Variants in FAAP100 observed in about 807,000 individuals in gnomAD.
The protein encoded by FAAP100 is FA core complex associated protein 100, also known as Fanconi anemia core complex-associated protein 100.
FAAP100 carries 46 observed loss-of-function variants against 65.8 expected under a neutral mutation model. That is an observed-to-expected ratio of 0.70 (90% CI 0.55 to 0.89). FAAP100 has a LOEUF of 0.89. Among genes scored for constraint, FAAP100 ranks in the 40% least tolerant of loss-of-function variants. The probability of loss-of-function intolerance (pLI) is 0.00; values close to 1 mark genes in which losing one functional copy is unlikely to be tolerated. For missense variants in FAAP100, 1,165 were observed against 1,196.7 expected (o/e 0.97, Z 0.39); for synonymous variants, 663 against 555.1 (o/e 1.19, Z -2.73).
At chr17:81,551,310 A>C in intron 2 of FAAP100, 107 bp from the exon 3 acceptor site, 2 of 1,152,390 alleles carry the variant, frequency 1.7e-6, no homozygotes, top group Non-Finnish European at 1.2e-6. Context: ...TCCCGCAGTG[A>C]CCCCCAAGGC....
rs763088820 is a variant in FAAP100 at position 81,550,279 on chromosome 17, G to A, written c.1215C>T (p.Val405=). The A allele has an allele frequency of 2.5e-6, 4 of 1,609,076 alleles. No individual in the cohort carries two copies. The highest frequency in any genetic ancestry group is 3.4e-6 in the Non-Finnish European group (4 of 1,177,650). Residue 405 remains valine, a synonymous_variant, in exon 3 of 9, where the codon GTC becomes GTT. Coordinates refer to ENST00000327787, the MANE Select transcript of FAAP100 (RefSeq NM_025161.6). ...CPASLNICSV[V]SLSASPRTHE... ...GCGTCCTGGGAGACGCGGACAGCGA[G>A]ACGACACTGCAGATGTTCAGGCTGG...
chr17:81,552,120 C>A lies in FAAP100; in HGVS notation c.165+46G>T, dbSNP rs1043127200. 3.4e-6 allele frequency: 5 copies of A among 1,469,476 alleles called. No homozygotes were observed. In the African/African-American group the frequency reaches 5.9e-5, roughly 17 times the overall value. 91.0% of individuals were successfully genotyped at this position (1,469,476 alleles called of 1,614,324 possible). On this transcript the variant is annotated intron_variant, in intron 1 of 8. Coordinates refer to ENST00000327787, the MANE Select transcript of FAAP100 (RefSeq NM_025161.6). The stretch of plus-strand genomic sequence containing the variant: ...CCGCGGTCTTCATTTTCACGCGAAC[C>A]GCCGCCCCCGCCCGGTCCCTCCCGC...
Position 81,552,316 on chromosome 17 carries a change from C to A in FAAP100, c.15G>T (p.Ala5=). Residue 5 remains alanine, a synonymous_variant, in exon 1 of 9, where the codon GCG becomes GCT. Transcript: ENST00000327787. ...AGCCCGCCAGGTAGCGGACCCGCGG[C>A]GCGGCGCCGGCCATCGTGCGCGCGG... is the stretch of plus-strand genomic sequence containing the variant. MAGA[A]PRVRYLAGFC... 1 of 1,406,152 alleles carries A rather than the reference C, an allele frequency of 7.1e-7. No individual in the cohort carries two copies. The highest frequency in any genetic ancestry group is 2.0e-4 in the Middle Eastern group (1 of 4,912). The allele number at this position is 1,406,152 out of a possible 1,614,324, so 87.1% of individuals were successfully genotyped here.
intron 8 of FAAP100, 40 bp from the exon 9 acceptor site, chr17:81,540,990 C>T (rs1383969945): frequency 1.2e-5 from 19 of 1,529,994 alleles, no homozygotes; most frequent in Non-Finnish European, 1.5e-5. Context: ...CCCCACCTGG[C>T]CCTGGGGATG....
chr17:81,551,917 C>A lies in FAAP100; in HGVS notation c.290+11G>T. 1.3e-6 allele frequency: 2 copies of A among 1,540,328 alleles called. No homozygotes were observed. The highest frequency in any genetic ancestry group is 2.5e-5 in the East Asian group (1 of 39,238). ...GAGTGTGCGGGAGGGAGGCCGCGGG[C>A]CCGCCCTCACCTGCTCCTGCCCGGG... On this transcript the variant is annotated intron_variant, in intron 2 of 8. Transcript: ENST00000327787.
rs1463550556 is a variant in FAAP100, at chr17:81,544,030, G to A, written c.2401C>T (p.His801Tyr). The A allele has an allele frequency of 6.2e-6, 10 of 1,612,624 alleles. No individual in the cohort carries two copies. Among genetic ancestry groups the A allele is most frequent in the Admixed American group, 3.3e-5 (2 of 60,004 alleles). Reference sequence around the variant, plus strand: ...TGCATGCGCCCGACAACGGCATGGTGCGCCCTGCAAATGTCGGCCAGAGAG... The same window carrying A: ...TGCATGCGCCCGACAACGGCATGGTACGCCCTGCAAATGTCGGCCAGAGAG... ...SSSLADICRA[H>Y]HAVVGRMQTM... Residue 801 changes from histidine (H) to tyrosine (Y), a missense_variant, in exon 7 of 9, where the codon CAC (histidine) becomes TAC (tyrosine). By Grantham distance (83) the His-to-Tyr change is moderately conservative. Transcript: ENST00000327787.
At chr17:81,550,118 G>C (rs943256957) in intron 3 of FAAP100, 130 bp downstream of exon 3, 1 of 893,876 alleles carries the variant, frequency 1.1e-6, no homozygotes, top group Admixed American at 2.6e-5. Context: ...TAACCACTAG[G>C]CTGTATCAGC....
chr17:81,539,918 C>T lies in FAAP100; in HGVS notation c.*901G>A, dbSNP rs1189341462. On this transcript the variant is annotated 3_prime_UTR_variant, in exon 9 of 9. Coordinates refer to ENST00000327787, the MANE Select transcript of FAAP100 (RefSeq NM_025161.6). ...CACGGACAGACAGGGTCGTTTGTCA[C>T]AGCAGAGAAGCACCTCACGGCTCCT... The T allele has an allele frequency of 1.3e-5, 5 of 398,698 alleles. No homozygotes were observed. Among genetic ancestry groups the T allele is most frequent in the Middle Eastern group, 6.2e-4 (1 of 1,612 alleles). The allele number at this position is 398,698 out of a possible 1,614,324, so 24.7% of individuals were successfully genotyped here.
At chr17:81,545,358 G>A (rs1396191837) in intron 6 of FAAP100, among the ~76,000 whole-genome samples, 3 of 152,246 alleles carry the variant, frequency 2.0e-5, no homozygotes, top group Non-Finnish European at 4.4e-5. Context: ...GACCAGCAGT[G>A]CCATTTGCCA....
chr17:81,547,853 C>A, intron 4 of FAAP100, 175 bp from the exon 5 acceptor site: 2 of 843,076 alleles, frequency 2.4e-6, no homozygotes, highest in Non-Finnish European at 3.9e-6. Context: ...CCCGGCCCCA[C>A]CCACACCGAG....
At chr17:81,549,058 A>G in intron 4 of FAAP100, 148 bp downstream of exon 4, 1 of 726,474 alleles carries the variant, frequency 1.4e-6, no homozygotes, top group South Asian at 2.3e-5. Flanking sequence ...AAAAAAAAAA[A>G]AAAAAAAAAA....
intron 4 of FAAP100, chr17:81,548,162 C>G (rs1010720944): frequency 3.4e-6 from 2 of 595,992 alleles, no homozygotes; most frequent in Non-Finnish European, 6.0e-6. Flanking sequence ...GTGACAGGCC[C>G]CTCGCTCTCG....
rs1223489687 is a variant in FAAP100, at chr17:81,550,257, T to TCTC, written c.1236_1237insGAG (p.Arg412_Thr413insGlu). On this transcript the variant is annotated inframe_insertion, in exon 3 of 9. Coordinates refer to ENST00000327787, the MANE Select transcript of FAAP100 (RefSeq NM_025161.6). ...AGACAGCAGCTCATACCTTCATGCG[T>TCTC]CCTGGGAGACGCGGACAGCGAGACG... is the stretch of plus-strand genomic sequence containing the variant. 3 of 1,602,008 alleles carry TCTC rather than the reference T, an allele frequency of 1.9e-6. No homozygotes were observed. The highest frequency in any genetic ancestry group is 2.6e-6 in the Non-Finnish European group (3 of 1,173,052).
In FAAP100 at chr17:81,540,761, G is replaced by T. The variant is rs1031218085; in HGVS notation, c.*58C>A. 1 of 1,451,828 alleles carries T rather than the reference G, an allele frequency of 6.9e-7. No homozygotes were observed. Among genetic ancestry groups the T allele is most frequent in the East Asian group, 2.5e-5 (1 of 39,572 alleles). The allele number at this position is 1,451,828 out of a possible 1,614,324, so 89.9% of individuals were successfully genotyped here. A position where few individuals can be genotyped will look rare whatever the true frequency, so the allele number is the denominator to read the frequency against. ...GGTTTCCCTCTAACCCATGAGGCCT[G>T]GGGGGGCTGTGACAGAGGCTGGAAG... On this transcript the variant is annotated 3_prime_UTR_variant, in exon 9 of 9. Transcript: ENST00000327787.
chr17:81,544,175 G>A (rs1239793576), intron 6 of FAAP100, 55 bp from the exon 7 acceptor site: 1 of 1,446,818 alleles, frequency 6.9e-7, no homozygotes, highest in Non-Finnish European at 9.7e-7. Flanking sequence ...CCTGCCCGGG[G>A]GGCTCAGGCT....
chr17:81,545,266 G>C (rs75987153), intron 6 of FAAP100, among the ~76,000 whole-genome samples: 2 of 152,266 alleles, frequency 1.3e-5, no homozygotes, highest in Non-Finnish European at 2.9e-5. Flanking sequence ...CCCTGCAAGC[G>C]CCTTTGCTGG....
rs576434767 is a variant in FAAP100, at chr17:81,540,172, G to A, written c.*647C>T. 5.0e-6 allele frequency: 2 copies of A among 398,922 alleles called. No homozygotes were observed. Among genetic ancestry groups the A allele is most frequent in the Non-Finnish European group, 8.8e-6 (2 of 226,234 alleles). The allele number at this position is 398,922 out of a possible 1,614,324, so 24.7% of individuals were successfully genotyped here. A position where few individuals can be genotyped will look rare whatever the true frequency, so the allele number is the denominator to read the frequency against. On this transcript the variant is annotated 3_prime_UTR_variant, in exon 9 of 9. Coordinates refer to ENST00000327787, the MANE Select transcript of FAAP100 (RefSeq NM_025161.6). ...AGGCACCTAGTTGTTGAGCATTCCG[G>A]CCACAGGCCACCCGCTGGCCCTTCC...
At chr17:81,551,703 G>T in intron 2 of FAAP100, 2 of 1,327,558 alleles carry the variant, frequency 1.5e-6, no homozygotes, top group Non-Finnish European at 1.9e-6. Context: ...GCGCCCCGCC[G>T]TGGGCTTAAC....
chr17:81,542,183 AAAAAAAAAAAAAAAAAAATATATATAT>A (rs1272149614), intron 7 of FAAP100, among the ~76,000 whole-genome samples: 2 of 26,290 alleles, frequency 7.6e-5, no homozygotes, highest in South Asian at 1.6e-3. Context: ...AAAAAAAAAA[AAAAAAAAAAAAAAAAAAATATATATAT>A]ATATATATAT....
Sources: gnomAD v4.1 joint callset for allele counts (sites outside exome capture counted in the v4.1 genomes callset) on GRCh38, gnomAD v4.1.1 for gene constraint, MANE v1.5 for transcripts, NCBI Gene and HGNC (gene_info 2026-07-23, HGNC 2026-07-21) for gene names.